Variants in DPYD observed in about 807,000 individuals in gnomAD.
DPYD encodes the protein dihydropyrimidine dehydrogenase [NADP(+)].
A neutral mutation model predicts 116.2 loss-of-function variants in DPYD; 109 were observed. That is an observed-to-expected ratio of 0.94 (90% CI 0.80 to 1.10). The LOEUF is 1.10. DPYD is among the 50% of genes least tolerant of loss of function. The pLI, the probability that DPYD is intolerant of heterozygous loss-of-function variation, is 0.00. For missense variants in DPYD, 1,302 were observed against 1,254.5 expected, an observed-to-expected ratio of 1.04 and a Z score of -0.57; for synonymous variants, 440 against 432.0, an observed-to-expected ratio of 1.02 and a Z score of -0.23.
At chr1:97,406,587 G>A (rs1249813146) in intron 14 of DPYD, among the ~76,000 whole-genome samples, 1 of 129,542 alleles carries the variant, frequency 7.7e-6, no homozygotes, top group African/African-American at 2.9e-5. Flanking sequence ...AGTGTGTGAT[G>A]TTCCCCTCCC....
At chr1:97,378,430 T>C (rs940901160) in intron 15 of DPYD, among the ~76,000 whole-genome samples, 4 of 152,196 alleles carry the variant, frequency 2.6e-5, no homozygotes, top group Admixed American at 1.3e-4. Context: ...GTTAGTGTTT[T>C]AGTGTTTTAT....
intron 8 of DPYD, among the ~76,000 whole-genome samples, chr1:97,643,980 G>A (rs755366079): frequency 2.0e-5 from 3 of 152,082 alleles, no homozygotes; most frequent in Non-Finnish European, 4.4e-5. Flanking sequence ...AATACCTAAT[G>A]TAGATGAGGG....
intron 18 of DPYD, among the ~76,000 whole-genome samples, chr1:97,250,047 G>A (rs1334227274): frequency 2.6e-5 from 4 of 152,100 alleles, no homozygotes; most frequent in Admixed American, 6.5e-5. Flanking sequence ...CAAGGCGGGC[G>A]GATCACGAGG....
At chr1:97,318,721 C>T (rs1201917856) in intron 16 of DPYD, among the ~76,000 whole-genome samples, 2 of 149,488 alleles carry the variant, frequency 1.3e-5, no homozygotes, top group Non-Finnish European at 3.0e-5. Flanking sequence ...CAGCTCTGCA[C>T]CAAGCGGACC....
intron 18 of DPYD, among the ~76,000 whole-genome samples, chr1:97,244,100 C>T (rs1557967637): frequency 6.6e-6 from 1 of 151,892 alleles, no homozygotes; most frequent in Non-Finnish European, 1.5e-5. Context: ...ATTTACTAGG[C>T]ATAATTAGTC....
intron 12 of DPYD, among the ~76,000 whole-genome samples, chr1:97,519,444 C>T (rs1648479610): frequency 6.6e-6 from 1 of 152,134 alleles, no homozygotes; most frequent in East Asian, 1.9e-4. Flanking sequence ...CCTCCCACAA[C>T]ACATGGGAAT....
intron 4 of DPYD, among the ~76,000 whole-genome samples, chr1:97,723,031 A>T (rs532478482): frequency 1.3e-4 from 20 of 151,768 alleles, no homozygotes; most frequent in Non-Finnish European, 2.7e-4. Flanking sequence ...GAAAAGACAA[A>T]AAAAGAAACA....
intron 13 of DPYD, among the ~76,000 whole-genome samples, chr1:97,510,805 C>A (rs1173007353): frequency 6.6e-6 from 1 of 151,778 alleles, no homozygotes; most frequent in Non-Finnish European, 1.5e-5. Context: ...ACTTTGGAGT[C>A]TTTGTGTCAA....
intron 13 of DPYD, among the ~76,000 whole-genome samples, chr1:97,464,680 G>A (rs1677212204): frequency 6.6e-6 from 1 of 152,172 alleles, no homozygotes; most frequent in Non-Finnish European, 1.5e-5. Context: ...CAGGTGCACA[G>A]AAATCAAAAA....
At chr1:97,778,781 T>C (rs1666568703) in intron 3 of DPYD, among the ~76,000 whole-genome samples, 1 of 152,268 alleles carries the variant, frequency 6.6e-6, no homozygotes, top group African/African-American at 2.4e-5. Flanking sequence ...AAAAGAGTAG[T>C]ATCTTTGATA....
intron 20 of DPYD, among the ~76,000 whole-genome samples, chr1:97,121,857 A>G (rs1210639576): frequency 1.3e-5 from 2 of 152,176 alleles, no homozygotes; most frequent in African/African-American, 4.8e-5. Context: ...AAGTAATTCA[A>G]TGAGGGCCAT....
At chr1:97,262,480 C>G (rs1663953750) in intron 18 of DPYD, among the ~76,000 whole-genome samples, 1 of 152,030 alleles carries the variant, frequency 6.6e-6, no homozygotes, top group Non-Finnish European at 1.5e-5. Context: ...CTTCAACTTC[C>G]TGGACAATAA....
chr1:97,436,386 A>G (rs1283949557), intron 14 of DPYD, among the ~76,000 whole-genome samples: 1 of 151,992 alleles, frequency 6.6e-6, no homozygotes, highest in East Asian at 1.9e-4. Context: ...AAACATAAGC[A>G]ATTTATAAAT....
chr1:97,907,985 T>C (rs2101700174), intron 1 of DPYD, among the ~76,000 whole-genome samples: 1 of 152,190 alleles, frequency 6.6e-6, no homozygotes, highest in East Asian at 1.9e-4. Flanking sequence ...TGTTATCCTC[T>C]GGCTGGTTGA....
chr1:97,854,494 C>A (rs1390095969), intron 2 of DPYD, among the ~76,000 whole-genome samples: 3 of 152,166 alleles, frequency 2.0e-5, no homozygotes, highest in Admixed American at 6.5e-5. Context: ...ACCATGGGAG[C>A]AGAGAGAGTT....
At chr1:97,306,353 G>C (rs1570474425) in intron 16 of DPYD, 56 bp from the exon 17 acceptor site, 4 of 1,607,248 alleles carry the variant, frequency 2.5e-6, no homozygotes, top group Non-Finnish European at 2.6e-6. Flanking sequence ...TGATCAAAAT[G>C]TGTACTGGAA....
At chr1:97,220,266 C>A (rs1006348253) in intron 19 of DPYD, among the ~76,000 whole-genome samples, 4 of 152,064 alleles carry the variant, frequency 2.6e-5, no homozygotes, top group African/African-American at 7.2e-5. Context: ...CCTGAACTAG[C>A]GCATTAGCAA....
intron 16 of DPYD, among the ~76,000 whole-genome samples, chr1:97,358,905 C>T (rs1486411963): frequency 6.6e-6 from 1 of 152,066 alleles, no homozygotes; most frequent in African/African-American, 2.4e-5. Flanking sequence ...GCCTCTTCTC[C>T]TACAAAGGAT....
chr1:97,162,667 C>T lies in DPYD; in HGVS notation c.2622+30402G>A, dbSNP rs1656015175. On this transcript the variant is annotated intron_variant, in intron 20 of 22. Transcript: ENST00000370192. ...TATGGAACCAAAAAAGAGCCCGCAT[C>T]ACCAAGTCAATCCTAAGCCAAAAGA... Among the ~76,000 whole-genome samples, 3 of 152,160 alleles carry T rather than the reference C, an allele frequency of 2.0e-5. No homozygotes were observed. The South Asian group carries it at 6.2e-4, about 32-fold the overall frequency.
Sources: allele counts gnomAD v4.1 joint callset (sites outside exome capture counted in the v4.1 genomes callset), GRCh38; gene constraint gnomAD v4.1.1; transcripts MANE v1.5; gene names NCBI Gene and HGNC (gene_info 2026-07-23, HGNC 2026-07-21).